The following GRID2 variants were observed in gnomAD, a reference collection of about 807,000 sequenced individuals.
GRID2 encodes glutamate ionotropic receptor delta type subunit 2.
Under a neutral mutation model 114.8 loss-of-function variants are expected in GRID2, and 33 were observed. The ratio of observed to expected loss-of-function variants is 0.29; its 90% CI spans 0.22 to 0.38. The LOEUF is 0.38. GRID2 is among the 10% of genes least tolerant of loss of function. The pLI, the probability that GRID2 is intolerant of heterozygous loss-of-function variation, is 1.00. For synonymous variants in GRID2, 505 were observed against 449.9 expected, an observed-to-expected ratio of 1.12 and a Z score of -1.55; for missense variants, 1,184 against 1,257.7, an observed-to-expected ratio of 0.94 and a Z score of 0.89.
At chr4:93,302,014 T>G (rs150790545) in intron 8 of GRID2, among the ~76,000 whole-genome samples, 2 of 152,136 alleles carry the variant, frequency 1.3e-5, no homozygotes, top group African/African-American at 4.8e-5. Context: ...AATTACACTG[T>G]AGTGTATAAG....
intron 2 of GRID2, among the ~76,000 whole-genome samples, chr4:93,010,550 G>T (rs1025486896): frequency 6.6e-6 from 1 of 152,044 alleles, no homozygotes; most frequent in South Asian, 2.1e-4. Context: ...TAATCTTGAC[G>T]CCAGAAAGGT....
chr4:93,040,308 C>T (rs1172930949), intron 2 of GRID2, among the ~76,000 whole-genome samples: 1 of 148,206 alleles, frequency 6.7e-6, no homozygotes, highest in Non-Finnish European at 1.5e-5. Context: ...AGAAAGAAAA[C>T]ATCACTAACA....
At chr4:93,735,990 T>C (rs1303171537) in intron 14 of GRID2, among the ~76,000 whole-genome samples, 2 of 151,952 alleles carry the variant, frequency 1.3e-5, no homozygotes, top group Non-Finnish European at 2.9e-5. Flanking sequence ...AAGAGGATAC[T>C]GGGAAAGAGG....
At chr4:93,734,248 C>A (rs773896407) in intron 14 of GRID2, among the ~76,000 whole-genome samples, 3 of 151,990 alleles carry the variant, frequency 2.0e-5, no homozygotes, top group Non-Finnish European at 2.9e-5. Flanking sequence ...ATTTTCCCCC[C>A]ATTTTTTCTT....
chr4:92,419,700 A>G (rs1579328913), intron 1 of GRID2, among the ~76,000 whole-genome samples: 1 of 152,168 alleles, frequency 6.6e-6, no homozygotes, highest in Non-Finnish European at 1.5e-5. Context: ...GATAGCAGGA[A>G]ATTTCAAAAT....
At chr4:93,492,834 C>T (rs1422678745) in intron 12 of GRID2, among the ~76,000 whole-genome samples, 3 of 151,830 alleles carry the variant, frequency 2.0e-5, no homozygotes, top group African/African-American at 4.8e-5. Context: ...ACCACCCATG[C>T]TGTGCATTAG....
Position 92,956,414 on chromosome 4 carries a change from C to T in GRID2, c.245-128581C>T, listed in dbSNP as rs374994371. Among the ~76,000 whole-genome samples, 534 of 152,232 alleles carry T rather than the reference C, an allele frequency of 3.5e-3. 1 individual carries two copies. Among genetic ancestry groups the T allele is most frequent in the Non-Finnish European group, 5.3e-3 (363 of 67,996 alleles). On this transcript the variant is annotated intron_variant, in intron 2 of 15. Transcript: ENST00000282020. ...CCCTCCCTATCCCTAACCCTTGAAA[C>T]GACTAGCCTTACTGTATCCACAGTT...
At chr4:93,754,676 A>G (rs922223833) in intron 14 of GRID2, among the ~76,000 whole-genome samples, 1 of 152,222 alleles carries the variant, frequency 6.6e-6, no homozygotes, top group African/African-American at 2.4e-5. Context: ...CTATTCAAAC[A>G]TGGGTAAATT....
chr4:92,350,348 C>A (rs1040715822), intron 1 of GRID2, among the ~76,000 whole-genome samples: 1 of 151,696 alleles, frequency 6.6e-6, no homozygotes. Context: ...AAGAATTTAA[C>A]TTGATATCAG....
chr4:92,322,765 C>T (rs557264759), intron 1 of GRID2, among the ~76,000 whole-genome samples: 2 of 152,106 alleles, frequency 1.3e-5, no homozygotes, highest in Admixed American at 1.3e-4. Flanking sequence ...TTATTCTTTC[C>T]TTTTATGCTG....
intron 1 of GRID2, among the ~76,000 whole-genome samples, chr4:92,321,075 A>G (rs1726289160): frequency 6.6e-6 from 1 of 152,210 alleles, no homozygotes; most frequent in East Asian, 1.9e-4. Context: ...AAGGATCGAA[A>G]TATGTTTTAT....
intron 1 of GRID2, among the ~76,000 whole-genome samples, chr4:93,787,487 G>A (rs1034041552): frequency 4.6e-5 from 7 of 152,032 alleles, no homozygotes; most frequent in East Asian, 1.9e-4. Context: ...CAGGATATGA[G>A]GTCCACTCTA....
At chr4:93,186,838 G>T (rs1347878008) in intron 4 of GRID2, among the ~76,000 whole-genome samples, 3 of 152,174 alleles carry the variant, frequency 2.0e-5, no homozygotes, top group Non-Finnish European at 4.4e-5. Context: ...GACTGTCTTT[G>T]TTTGGGTTGC....
chr4:93,081,724 G>T (rs1301528545), intron 2 of GRID2, among the ~76,000 whole-genome samples: 1 of 152,034 alleles, frequency 6.6e-6, no homozygotes, highest in African/African-American at 2.4e-5. Flanking sequence ...AGATGTCATA[G>T]GTTTAGATTA....
At chr4:93,607,585 A>G (rs182094138) in intron 13 of GRID2, among the ~76,000 whole-genome samples, 14 of 152,258 alleles carry the variant, frequency 9.2e-5, no homozygotes, top group African/African-American at 2.9e-4. Flanking sequence ...AAAGACATCT[A>G]TGTATTTTTT....
chr4:93,037,691 T>C (rs886135470), intron 2 of GRID2, among the ~76,000 whole-genome samples: 4 of 152,190 alleles, frequency 2.6e-5, no homozygotes, highest in Admixed American at 2.6e-4. Flanking sequence ...ATTTATTAAA[T>C]AGGGAATCCT....
intron 12 of GRID2, among the ~76,000 whole-genome samples, chr4:93,506,966 C>T (rs1049510921): frequency 1.3e-5 from 2 of 152,174 alleles, no homozygotes; most frequent in African/African-American, 2.4e-5. Flanking sequence ...TGAATTACCC[C>T]ACACCGTGAG....
chr4:93,113,791 G>C (rs1041061260), intron 4 of GRID2, among the ~76,000 whole-genome samples: 1 of 152,158 alleles, frequency 6.6e-6, no homozygotes, highest in African/African-American at 2.4e-5. Flanking sequence ...TCTTGAAGGA[G>C]GTGCTTCTTG....
chr4:93,278,280 CATGTT>C (rs1248372229), intron 8 of GRID2, among the ~76,000 whole-genome samples: 1 of 139,700 alleles, frequency 7.2e-6, no homozygotes, highest in Non-Finnish European at 1.6e-5. Context: ...AAAAAAAAAA[CATGTT>C]ATTCGGTGAG....
Sources: allele counts gnomAD v4.1 joint callset (sites outside exome capture counted in the v4.1 genomes callset), GRCh38; gene constraint gnomAD v4.1.1; transcripts MANE v1.5; gene names NCBI Gene and HGNC (gene_info 2026-07-23, HGNC 2026-07-21).